Variants in PTPN1 observed in about 807,000 individuals in gnomAD.
PTPN1 encodes the protein protein tyrosine phosphatase non-receptor type 1, also known as tyrosine-protein phosphatase non-receptor type 1.
In PTPN1, 12 loss-of-function variants were observed where a neutral mutation model predicts 59.9. That is an observed-to-expected ratio of 0.20 (90% CI 0.13 to 0.32). PTPN1 has a LOEUF of 0.32. Among genes scored for constraint, PTPN1 ranks in the 10% least tolerant of loss-of-function variants. The pLI, the probability that PTPN1 is intolerant of heterozygous loss-of-function variation, is 1.00. For synonymous variants in PTPN1, 178 were observed against 203.6 expected, an observed-to-expected ratio of 0.87 and a Z score of 1.07; for missense variants, 356 against 549.2, an observed-to-expected ratio of 0.65 and a Z score of 3.52.
chr20:50,550,265 A>G (rs1211269525), intron 1 of PTPN1, among the ~76,000 whole-genome samples: 1 of 152,216 alleles, frequency 6.6e-6, no homozygotes. Context: ...GAACAATCAA[A>G]TTAGATAACC....
intron 1 of PTPN1, 73 bp downstream of exon 1, chr20:50,510,663 CCA>C: frequency 6.8e-7 from 1 of 1,472,616 alleles, no homozygotes; most frequent in Non-Finnish European, 9.2e-7. Context: ...CCTCCAGGCC[CCA>C]GACTCCCTCT....
At chr20:50,513,311 C>A in intron 1 of PTPN1, among the ~76,000 whole-genome samples, 1 of 152,186 alleles carries the variant, frequency 6.6e-6, no homozygotes, top group Middle Eastern at 3.4e-3. Context: ...TCAAATCATC[C>A]GGTTGCTTGA....
rs59130701 is a variant in PTPN1 at position 50,583,070 on chromosome 20, G to GC, written c.*363dup. 5,794 of 301,360 alleles carry GC rather than the reference G, an allele frequency of 0.019. 107 individuals are homozygous for GC. Among genetic ancestry groups the GC allele is most frequent in the African/African-American group, 0.058 (2,732 of 47,194 alleles). 18.7% of individuals were successfully genotyped at this position (301,360 alleles called of 1,614,324 possible). On this transcript the variant is annotated 3_prime_UTR_variant, in exon 10 of 10. Coordinates refer to ENST00000371621, the MANE Select transcript of PTPN1 (RefSeq NM_002827.4). ...ATCCCAGGCGGGCGGCACGCCAACA[G>GC]CCCCCCCCTTGAATCTGCAGGGAGC...
chr20:50,553,296 G>T (rs1040212363), intron 1 of PTPN1, among the ~76,000 whole-genome samples: 1 of 152,230 alleles, frequency 6.6e-6, no homozygotes, highest in Non-Finnish European at 1.5e-5. Context: ...TGAACTTTCT[G>T]CCTGGCGATC....
intron 1 of PTPN1, among the ~76,000 whole-genome samples, chr20:50,536,096 G>C (rs548613104): frequency 6.6e-6 from 1 of 152,102 alleles, no homozygotes; most frequent in African/African-American, 2.4e-5. Flanking sequence ...CTAACTGTAG[G>C]ATTTAGTCAC....
At chr20:50,551,557 G>A (rs1195321786) in intron 1 of PTPN1, among the ~76,000 whole-genome samples, 1 of 152,174 alleles carries the variant, frequency 6.6e-6, no homozygotes, top group Non-Finnish European at 1.5e-5. Flanking sequence ...GTGCACTCTG[G>A]GAGAGCCGTA....
At chr20:50,539,870 A>G (rs768717016) in intron 1 of PTPN1, among the ~76,000 whole-genome samples, 2 of 151,260 alleles carry the variant, frequency 1.3e-5, no homozygotes, top group Non-Finnish European at 1.5e-5. Context: ...CTCTTTCAAT[A>G]TGTAGTTTTA....
intron 3 of PTPN1, among the ~76,000 whole-genome samples, chr20:50,565,449 A>C (rs1342985890): frequency 6.6e-6 from 1 of 152,256 alleles, no homozygotes; most frequent in East Asian, 1.9e-4. Context: ...CGTTAGCAGT[A>C]GACCAGGAAT....
At chr20:50,561,579 T>G in intron 2 of PTPN1, 126 bp downstream of exon 2, 1 of 565,970 alleles carries the variant, frequency 1.8e-6, no homozygotes, top group South Asian at 2.8e-5. Context: ...TATGACGCGA[T>G]TGTTTCCTAT....
intron 4 of PTPN1, chr20:50,571,352 G>C (rs141986401): frequency 6.6e-6 from 1 of 152,202 alleles, no homozygotes; most frequent in Admixed American, 6.5e-5. Flanking sequence ...TTACTTGGGC[G>C]TGCAGATTGG....
chr20:50,568,547 C>A lies in PTPN1; in HGVS notation c.354+69C>A. 7.9e-7 allele frequency: 1 copy of A among 1,273,514 alleles called. No individual in the cohort carries two copies. The highest frequency in any genetic ancestry group is 1.1e-6 in the Non-Finnish European group (1 of 881,084). 78.9% of individuals were successfully genotyped at this position (1,273,514 alleles called of 1,614,324 possible). A position where few individuals can be genotyped will look rare whatever the true frequency, so the allele number is the denominator to read the frequency against. On this transcript the variant is annotated intron_variant, in intron 4 of 9. Transcript: ENST00000371621. This position sits in a 1 kb window ranked among gnomAD's most constrained non-coding sequence, Gnocchi z 5.6. ...ACTCCATATAGTTACCATTTTCGTCCAGATTTTTAAATTATTTTTCTTGCC... is the reference window on the plus strand; with the variant it reads ...ACTCCATATAGTTACCATTTTCGTCAAGATTTTTAAATTATTTTTCTTGCC...
rs2082788234 is a variant in PTPN1 at position 50,568,185 on chromosome 20, C to T, written c.256-195C>T. On this transcript the variant is annotated intron_variant, in intron 3 of 9. Coordinates refer to ENST00000371621, the MANE Select transcript of PTPN1 (RefSeq NM_002827.4). This position sits in a 1 kb window ranked among gnomAD's most constrained non-coding sequence, Gnocchi z 5.6. ...ACTGAGATGCGGAAATCGCCTTTCG[C>T]TGCCTGGTAGAAAATGGAGCTGCAG... Among the ~76,000 whole-genome samples, 2 of 152,248 alleles carry T rather than the reference C, an allele frequency of 1.3e-5. No individual in the cohort carries two copies. The highest frequency in any genetic ancestry group is 2.4e-5 in the African/African-American group (1 of 41,456).
intron 1 of PTPN1, among the ~76,000 whole-genome samples, chr20:50,539,099 G>A (rs558504347): frequency 8.5e-4 from 116 of 137,118 alleles, no homozygotes; most frequent in Non-Finnish European, 1.2e-3. Context: ...GCAACGGCAC[G>A]ATTTCGGCTC....
In PTPN1 at chr20:50,579,743, C is replaced by G. The variant is rs749433251; in HGVS notation, c.905C>G (p.Pro302Arg). 40 of 1,612,980 alleles carry G rather than the reference C, an allele frequency of 2.5e-5. No individual in the cohort carries two copies. In the African/African-American group the frequency reaches 4.1e-4, roughly 17 times the overall value. The change falls in exon 8 of 10, where the codon CCA becomes CGA. Residue 302 changes from proline to arginine, a missense_variant. Pro to Arg is a moderately radical substitution (Grantham distance 103). Transcript: ENST00000371621. The stretch of plus-strand genomic sequence containing the variant: ...CTTTCCCACGAGGACCTGGAGCCCC[C>G]ACCCGAGCATATCCCCCCACCTCCC... The part of the protein sequence containing the change: ...KELSHEDLEP[P>R]PEHIPPPPRP...
chr20:50,512,055 A>G (rs930076826), intron 1 of PTPN1, among the ~76,000 whole-genome samples: 13 of 152,150 alleles, frequency 8.5e-5, no homozygotes, highest in Non-Finnish European at 1.5e-5. Flanking sequence ...TGTAGTGTGT[A>G]TATTAGTTTC....
In PTPN1 at chr20:50,582,932, A is replaced by C; in HGVS notation, c.*217A>C. ...TTGCCCCTTCCACTTTGAGTACCAA[A>C]TCCACAAGCCATTTTTTGAGGAGAG... On this transcript the variant is annotated 3_prime_UTR_variant, in exon 10 of 10. Transcript: ENST00000371621. This position sits in a 1 kb window ranked among gnomAD's most constrained non-coding sequence, Gnocchi z 4.2. The C allele has an allele frequency of 1.7e-6, 1 of 600,130 alleles. No individual in the cohort carries two copies. The highest frequency in any genetic ancestry group is 3.0e-6 in the Non-Finnish European group (1 of 335,328). 37.2% of individuals were successfully genotyped at this position (600,130 alleles called of 1,614,324 possible). A position where few individuals can be genotyped will look rare whatever the true frequency, so the allele number is the denominator to read the frequency against.
intron 1 of PTPN1, among the ~76,000 whole-genome samples, chr20:50,537,990 A>G (rs928867663): frequency 1.3e-5 from 2 of 152,178 alleles, no homozygotes; most frequent in African/African-American, 4.8e-5. Context: ...TTTGCTCTTC[A>G]TCTTGAGTGG....
At chr20:50,518,966 T>A (rs1469935819) in intron 1 of PTPN1, among the ~76,000 whole-genome samples, 1 of 152,216 alleles carries the variant, frequency 6.6e-6, no homozygotes, top group African/African-American at 2.4e-5. Context: ...CAATGGGCCC[T>A]TTATGTACCT....
chr20:50,516,604 T>C (rs1237841729), intron 1 of PTPN1, among the ~76,000 whole-genome samples: 2 of 152,236 alleles, frequency 1.3e-5, no homozygotes, highest in Non-Finnish European at 2.9e-5. Flanking sequence ...GTGAGTATAG[T>C]TAACAACTCA....
Sources: allele counts gnomAD v4.1 joint callset (sites outside exome capture counted in the v4.1 genomes callset), GRCh38; gene constraint gnomAD v4.1.1; non-coding constraint Gnocchi (gnomAD v3.1); transcripts MANE v1.5; gene names NCBI Gene and HGNC (gene_info 2026-07-23, HGNC 2026-07-21).